The following NRG3 variants were observed in gnomAD, a reference collection of about 807,000 sequenced individuals.
NRG3 encodes the protein pro-neuregulin-3, membrane-bound isoform.
A neutral mutation model predicts 66.9 loss-of-function variants in NRG3; 31 were observed. The observed-to-expected ratio is 0.46, with a 90% confidence interval of 0.35 to 0.63. The LOEUF (loss-of-function observed/expected upper bound fraction) is 0.63, where lower values mean the gene tolerates loss of function less well. Among genes scored for constraint, NRG3 ranks in the 20% least tolerant of loss-of-function variants. The pLI is 0.00. For missense variants in NRG3, 910 were observed against 878.9 expected (o/e 1.04, Z -0.45); for synonymous variants, 393 against 359.4 (o/e 1.09, Z -1.06).
At chr10:82,156,157 T>G (rs1292695646) in intron 1 of NRG3, among the ~76,000 whole-genome samples, 2 of 151,638 alleles carry the variant, frequency 1.3e-5, no homozygotes, top group African/African-American at 2.4e-5. Context: ...CATCATATTT[T>G]AGGGCAAAAT....
chr10:82,584,543 C>T (rs531925652), intron 2 of NRG3, among the ~76,000 whole-genome samples: 83 of 152,294 alleles, frequency 5.4e-4, no homozygotes, highest in African/African-American at 1.9e-3. Context: ...TAAAACCTTA[C>T]TTTGAAAAAC....
At position 82,958,945 on chromosome 10, in the gene NRG3, G is replaced by T. The variant is rs766252369; in HGVS notation, c.1158-4G>T. 1.3e-6 allele frequency: 2 copies of T among 1,571,750 alleles called. No individual in the cohort carries two copies. Among genetic ancestry groups the T allele is most frequent in the South Asian group, 1.2e-5 (1 of 83,348 alleles). The stretch of plus-strand genomic sequence containing the variant: ...TATTTGTACACGTTTATTTATGCCT[G>T]CAGGAAACAAGCTAAACAAATCCAA... On this transcript the variant is annotated splice_region_variant and splice_polypyrimidine_tract_variant and intron_variant, in intron 5 of 8. Transcript: ENST00000372141.
chr10:82,982,016 C>T (rs1415760024), intron 8 of NRG3, among the ~76,000 whole-genome samples: 2 of 152,176 alleles, frequency 1.3e-5, no homozygotes, highest in South Asian at 2.1e-4. Context: ...CCCAAAGTGA[C>T]ATACACAGTC....
chr10:82,314,841 A>C (rs909309469), intron 1 of NRG3, among the ~76,000 whole-genome samples: 1 of 151,980 alleles, frequency 6.6e-6, no homozygotes, highest in Non-Finnish European at 1.5e-5. Context: ...AATAAATAGC[A>C]ATAAAAGAGT....
At chr10:82,678,537 G>A (rs1032581630) in intron 2 of NRG3, among the ~76,000 whole-genome samples, 2 of 152,110 alleles carry the variant, frequency 1.3e-5, no homozygotes, top group Admixed American at 6.5e-5. Context: ...GGATGTATAC[G>A]TGCAGGTCAC....
At chr10:82,034,029 C>G (rs547106261) in intron 1 of NRG3, among the ~76,000 whole-genome samples, 27 of 152,186 alleles carry the variant, frequency 1.8e-4, no homozygotes, top group African/African-American at 5.8e-4. Context: ...AGTAGGTGGT[C>G]AAAGAATCTT....
chr10:82,802,759 C>G (rs1000096867), intron 3 of NRG3, among the ~76,000 whole-genome samples: 1 of 152,056 alleles, frequency 6.6e-6, no homozygotes, highest in African/African-American at 2.4e-5. Flanking sequence ...CTCCAACCAT[C>G]TGCCCCACTC....
chr10:82,503,085 A>T (rs1277419250), intron 2 of NRG3, among the ~76,000 whole-genome samples: 1 of 152,196 alleles, frequency 6.6e-6, no homozygotes, highest in East Asian at 1.9e-4. Flanking sequence ...TAGCTTATCC[A>T]TTTTGACTAG....
chr10:82,580,125 C>G (rs772436347), intron 2 of NRG3, among the ~76,000 whole-genome samples: 46 of 151,840 alleles, frequency 3.0e-4, no homozygotes, highest in Non-Finnish European at 1.6e-4. Context: ...AGTTGTTATA[C>G]TTCATTATTT....
At chr10:82,386,545 T>G (rs2086002140) in intron 2 of NRG3, among the ~76,000 whole-genome samples, 1 of 152,214 alleles carries the variant, frequency 6.6e-6, no homozygotes, top group Non-Finnish European at 1.5e-5. Context: ...TCTTCTCTTC[T>G]TATTCCTTTC....
At chr10:82,612,796 A>G (rs540356319) in intron 2 of NRG3, among the ~76,000 whole-genome samples, 7 of 152,306 alleles carry the variant, frequency 4.6e-5, no homozygotes, top group African/African-American at 1.7e-4. Flanking sequence ...TGTTAAGTCT[A>G]CATTTCTTGT....
chr10:82,607,730 A>G lies in NRG3; in HGVS notation c.954-130847A>G, dbSNP rs537744541. ...CATTTTCTTCCTCCTCTCTTAGCATATTAATTATACTTCTTTTTTCCTGTT... is the reference window on the plus strand; with the variant it reads ...CATTTTCTTCCTCCTCTCTTAGCATGTTAATTATACTTCTTTTTTCCTGTT... On this transcript the variant is annotated intron_variant, in intron 2 of 8. Transcript: ENST00000372141. Among the ~76,000 whole-genome samples, 13 of 151,936 alleles carry G rather than the reference A, an allele frequency of 8.6e-5. No individual in the cohort carries two copies. In the South Asian group the frequency reaches 2.3e-3, roughly 27 times the overall value.
At chr10:82,396,856 A>C (rs1564876171) in intron 2 of NRG3, among the ~76,000 whole-genome samples, 1 of 152,094 alleles carries the variant, frequency 6.6e-6, no homozygotes, top group Non-Finnish European at 1.5e-5. Flanking sequence ...CTTTTTTCCT[A>C]TAAAGGTAAT....
intron 2 of NRG3, among the ~76,000 whole-genome samples, chr10:82,655,216 A>G (rs1822955023): frequency 6.6e-6 from 1 of 152,138 alleles, no homozygotes; most frequent in African/African-American, 2.4e-5. Flanking sequence ...AATGAAAAAT[A>G]AAGGATAAAA....
At chr10:82,345,278 A>C (rs964268078) in intron 1 of NRG3, among the ~76,000 whole-genome samples, 1 of 132,450 alleles carries the variant, frequency 7.6e-6, no homozygotes, top group African/African-American at 3.8e-5. Context: ...AGCTTTCTAC[A>C]TATGGCTAGC....
At chr10:82,252,134 C>T (rs1425420685) in intron 1 of NRG3, among the ~76,000 whole-genome samples, 2 of 152,226 alleles carry the variant, frequency 1.3e-5, no homozygotes, top group South Asian at 2.1e-4. Context: ...CCCCTTTTCT[C>T]TATCCATTTA....
intron 3 of NRG3, among the ~76,000 whole-genome samples, chr10:82,804,619 T>A (rs1052821438): frequency 6.6e-6 from 1 of 152,164 alleles, no homozygotes; most frequent in Non-Finnish European, 1.5e-5. Context: ...GGCCTTGGAT[T>A]CCAATCTTGT....
At chr10:82,290,182 T>C (rs1161669218) in intron 1 of NRG3, among the ~76,000 whole-genome samples, 2 of 152,202 alleles carry the variant, frequency 1.3e-5, no homozygotes, top group Non-Finnish European at 2.9e-5. Flanking sequence ...GAAGAGTACT[T>C]AGGTGTAGTA....
At chr10:82,419,888 G>T (rs1375310490) in intron 2 of NRG3, among the ~76,000 whole-genome samples, 1 of 152,132 alleles carries the variant, frequency 6.6e-6, no homozygotes, top group Admixed American at 6.6e-5. Flanking sequence ...GTGTGAAGCA[G>T]TTTATATGGT....
Sources: gnomAD v4.1 joint callset for allele counts (sites outside exome capture counted in the v4.1 genomes callset) on GRCh38, gnomAD v4.1.1 for gene constraint, MANE v1.5 for transcripts, NCBI Gene and HGNC (gene_info 2026-07-23, HGNC 2026-07-21) for gene names.